Variants in GLI3 observed in about 807,000 individuals in gnomAD.
GLI3 encodes transcription activator GLI3.
In GLI3, 20 loss-of-function variants were observed where a neutral mutation model predicts 100.8. The ratio of observed to expected loss-of-function variants is 0.20; its 90% confidence interval spans 0.14 to 0.29. GLI3 has a LOEUF of 0.29. Among genes scored for constraint, GLI3 ranks in the 10% least tolerant of loss-of-function variants. GLI3 has a pLI of 1.00. For missense variants in GLI3, 2,040 were observed against 2,128.5 expected, an observed-to-expected ratio of 0.96 and a Z score of 0.82; for synonymous variants, 938 against 860.5, an observed-to-expected ratio of 1.09 and a Z score of -1.58.
chr7:42,120,065 A>G (rs1480245675), intron 3 of GLI3, among the ~76,000 whole-genome samples: 1 of 152,156 alleles, frequency 6.6e-6, no homozygotes, highest in Non-Finnish European at 1.5e-5. Context: ...AGGGCTGCTT[A>G]TGGATGCAAC....
intron 3 of GLI3, among the ~76,000 whole-genome samples, chr7:42,079,280 CATTT>C (rs1784948835): frequency 6.6e-6 from 1 of 152,196 alleles, no homozygotes; most frequent in African/African-American, 2.4e-5. Flanking sequence ...CATTCTCTCT[CATTT>C]AACCATTTTC....
At chr7:42,147,230 T>C (rs1786735264) in intron 3 of GLI3, among the ~76,000 whole-genome samples, 1 of 152,130 alleles carries the variant, frequency 6.6e-6, no homozygotes, top group Admixed American at 6.5e-5. Flanking sequence ...GAAATTAGCT[T>C]TTATCCTGGG....
chr7:42,133,808 G>A (rs1035558177), intron 3 of GLI3, among the ~76,000 whole-genome samples: 2 of 152,094 alleles, frequency 1.3e-5, no homozygotes, highest in East Asian at 1.9e-4. Context: ...CTAGCTGGGC[G>A]TGGTGGCTCC....
chr7:42,114,334 G>A (rs950956591), intron 3 of GLI3, among the ~76,000 whole-genome samples: 2 of 152,164 alleles, frequency 1.3e-5, no homozygotes, highest in Middle Eastern at 3.2e-3. Flanking sequence ...AAGGGAGTTT[G>A]AAAGTTGTTG....
intron 10 of GLI3, among the ~76,000 whole-genome samples, chr7:41,993,947 T>A (rs1282584513): frequency 6.6e-6 from 1 of 152,200 alleles, no homozygotes; most frequent in African/African-American, 2.4e-5. Flanking sequence ...CATGACATAA[T>A]TCAGAGTTAT....
At chr7:42,056,289 A>G (rs1292596301) in intron 4 of GLI3, among the ~76,000 whole-genome samples, 1 of 152,210 alleles carries the variant, frequency 6.6e-6, no homozygotes, top group Non-Finnish European at 1.5e-5. Flanking sequence ...ACATGGTTGC[A>G]TGGTCTCTTC....
At position 41,972,923 on chromosome 7, in the gene GLI3, G is replaced by A. The variant is rs535070926; in HGVS notation, c.1813-296C>T. On this transcript the variant is annotated intron_variant, in intron 12 of 14. Coordinates refer to ENST00000395925, the MANE Select transcript of GLI3 (RefSeq NM_000168.6). This position sits in a 1 kb window ranked among gnomAD's most constrained non-coding sequence, Gnocchi z 4.4. ...GAAGCATTTACACTGTGAGTGAGAA[G>A]TATCACGGTGCCATAATAGGCACTC... is the stretch of plus-strand genomic sequence containing the variant. Among the ~76,000 whole-genome samples the A allele has an allele frequency of 6.6e-6, 1 of 152,250 alleles. No individual in the cohort carries two copies. The highest frequency in any genetic ancestry group is 2.1e-4 in the South Asian group (1 of 4,818).
intron 2 of GLI3, among the ~76,000 whole-genome samples, chr7:42,158,049 G>A (rs1271688153): frequency 1.3e-5 from 2 of 152,056 alleles, no homozygotes; most frequent in Non-Finnish European, 2.9e-5. Flanking sequence ...TATCTCCTAT[G>A]CATATGCAAA....
chr7:42,099,762 C>T (rs1229455633), intron 3 of GLI3, among the ~76,000 whole-genome samples: 1 of 152,236 alleles, frequency 6.6e-6, no homozygotes, highest in Admixed American at 6.5e-5. Flanking sequence ...TACTTGTGGC[C>T]TCAAGTGATC....
At chr7:42,149,649 G>A (rs1251339407) in intron 2 of GLI3, among the ~76,000 whole-genome samples, 4 of 152,030 alleles carry the variant, frequency 2.6e-5, no homozygotes, top group Admixed American at 1.3e-4. Context: ...TGTAAAAACC[G>A]TTTCCTATTC....
At chr7:42,187,152 A>G (rs1450190953) in intron 2 of GLI3, among the ~76,000 whole-genome samples, 1 of 151,614 alleles carries the variant, frequency 6.6e-6, no homozygotes, top group East Asian at 1.9e-4. Context: ...TTGAGGCTAC[A>G]GTAAGCCCCG....
At chr7:42,071,982 G>GA (rs917534434) in intron 4 of GLI3, among the ~76,000 whole-genome samples, 21 of 150,434 alleles carry the variant, frequency 1.4e-4, no homozygotes, top group African/African-American at 4.4e-4. Flanking sequence ...ACTCAACAAA[G>GA]AAAAAAAAAG....
intron 2 of GLI3, among the ~76,000 whole-genome samples, chr7:42,198,479 G>A (rs1025315802): frequency 6.6e-6 from 1 of 152,070 alleles, no homozygotes; most frequent in Non-Finnish European, 1.5e-5. Flanking sequence ...CCGTTGCAGA[G>A]CCAATCCTGG....
At chr7:41,976,145 T>G (rs1483754417) in intron 12 of GLI3, among the ~76,000 whole-genome samples, 1 of 152,146 alleles carries the variant, frequency 6.6e-6, no homozygotes, top group Admixed American at 6.5e-5. Flanking sequence ...ACTTTCTATC[T>G]CTATGTATCT....
chr7:42,040,944 T>C lies in GLI3; in HGVS notation c.827-705A>G, dbSNP rs112510415. ...GAATGCTGCAGAACACCCTATAATG[T>C]TCAGGGTCACCCTCCCCACAATAAA... On this transcript the variant is annotated intron_variant, in intron 6 of 14. Transcript: ENST00000395925. Among the ~76,000 whole-genome samples, 566 of 152,102 alleles carry C rather than the reference T, an allele frequency of 3.7e-3. 7 individuals carry two copies. Among genetic ancestry groups the C allele is most frequent in the African/African-American group, 0.012 (513 of 41,498 alleles).
At chr7:42,090,482 T>G (rs1222392656) in intron 3 of GLI3, among the ~76,000 whole-genome samples, 1 of 152,200 alleles carries the variant, frequency 6.6e-6, no homozygotes, top group African/African-American at 2.4e-5. Context: ...GAAGTCACCG[T>G]TCCTTCTAAG....
At chr7:42,214,506 C>A (rs1259587321) in intron 2 of GLI3, among the ~76,000 whole-genome samples, 7 of 134,022 alleles carry the variant, frequency 5.2e-5, no homozygotes, top group South Asian at 2.5e-4. Context: ...AGGAAAGAGT[C>A]GAAGAAAGGG....
intron 2 of GLI3, among the ~76,000 whole-genome samples, chr7:42,170,397 C>CTTTTTT (rs1185274818): frequency 2.6e-4 from 21 of 81,086 alleles, no homozygotes; most frequent in East Asian, 3.3e-4. Flanking sequence ...ACTTACTGAT[C>CTTTTTT]TTTTTTTTTT....
chr7:42,193,122 A>G (rs1787861089), intron 2 of GLI3, among the ~76,000 whole-genome samples: 1 of 152,208 alleles, frequency 6.6e-6, no homozygotes, highest in Admixed American at 6.5e-5. Context: ...TATGTTTCTA[A>G]ATAAAGTAAA....
Sources: allele counts gnomAD v4.1 joint callset (sites outside exome capture counted in the v4.1 genomes callset), GRCh38; gene constraint gnomAD v4.1.1; non-coding constraint Gnocchi (gnomAD v3.1); transcripts MANE v1.5; gene names NCBI Gene and HGNC (gene_info 2026-07-23, HGNC 2026-07-21).